The following MCPH1 variants were observed in gnomAD, a reference collection of about 807,000 sequenced individuals.
The protein encoded by MCPH1 is microcephalin 1, also known as microcephalin.
A neutral mutation model predicts 84.5 loss-of-function variants in MCPH1; 104 were observed. The observed-to-expected ratio is 1.23, with a 90% CI of 1.05 to 1.45. The LOEUF is 1.45. Ranked by LOEUF, MCPH1 falls within the 40% of genes most tolerant of loss-of-function variation. The probability of loss-of-function intolerance (pLI) is 0.00; values close to 1 mark genes in which losing one functional copy is unlikely to be tolerated. For missense variants in MCPH1, 1,498 were observed against 1,005.7 expected (o/e 1.49, Z -6.62); for synonymous variants, 514 against 366.8 (o/e 1.40, Z -4.58).
At chr8:6,502,552 T>C (rs1325574955) in intron 12 of MCPH1, 1 of 152,258 alleles carries the variant, frequency 6.6e-6, no homozygotes, top group Non-Finnish European at 1.5e-5. Flanking sequence ...AAAAATGCAC[T>C]AACTGTTTTT....
At chr8:6,586,713 G>A (rs1243107413) in intron 12 of MCPH1, among the ~76,000 whole-genome samples, 2 of 152,220 alleles carry the variant, frequency 1.3e-5, no homozygotes, top group East Asian at 1.9e-4. Context: ...TGAACGCTGA[G>A]CTTCAAGCCA....
At chr8:6,443,972 G>A (rs1400589319) in intron 7 of MCPH1, among the ~76,000 whole-genome samples, 5 of 152,178 alleles carry the variant, frequency 3.3e-5, no homozygotes, top group African/African-American at 1.2e-4. Context: ...GGAAGGTAAG[G>A]GTGAGCTGTG....
At chr8:6,582,929 T>G (rs535188792) in intron 12 of MCPH1, among the ~76,000 whole-genome samples, 7 of 152,298 alleles carry the variant, frequency 4.6e-5, no homozygotes, top group Non-Finnish European at 7.4e-5. Flanking sequence ...TTCCATGAAG[T>G]CTTCTCTGGG....
intron 12 of MCPH1, among the ~76,000 whole-genome samples, chr8:6,574,920 G>A (rs1325293420): frequency 1.3e-5 from 2 of 152,092 alleles, no homozygotes; most frequent in Non-Finnish European, 2.9e-5. Context: ...TTACAGATTC[G>A]AAAAACGGCA....
At position 6,528,763 on chromosome 8, in the gene MCPH1, G is replaced by A. The variant is rs564448839; in HGVS notation, c.2214+28834G>A. 6.6e-5 allele frequency among the ~76,000 whole-genome samples: 10 copies of A among 152,330 alleles called. No homozygotes were observed. In the East Asian group the frequency reaches 7.7e-4, roughly 12 times the overall value. ...CAGTCAGCATTGTTGCCAAGGAACC[G>A]GAGACCTTGAAAGAATCATTGTTTG... On this transcript the variant is annotated intron_variant, in intron 12 of 13. Transcript: ENST00000344683.
chr8:6,552,254 G>A (rs1823772934), intron 12 of MCPH1, among the ~76,000 whole-genome samples: 2 of 152,190 alleles, frequency 1.3e-5, no homozygotes, highest in African/African-American at 2.4e-5. Flanking sequence ...CATTGCTTAC[G>A]ACTCACACTG....
chr8:6,419,559 A>AT (rs34375855), intron 3 of MCPH1, among the ~76,000 whole-genome samples: 1,599 of 138,130 alleles, frequency 0.012, 29 homozygotes, highest in African/African-American at 0.036. Context: ...CACCTGGCTA[A>AT]TTTTTTTTTT....
At chr8:6,534,214 A>T (rs1017607484) in intron 12 of MCPH1, among the ~76,000 whole-genome samples, 1 of 152,210 alleles carries the variant, frequency 6.6e-6, no homozygotes, top group Non-Finnish European at 1.5e-5. Context: ...TTAAAAAAAA[A>T]ATAACAATAC....
chr8:6,542,278 CAT>C (rs1238246275), intron 12 of MCPH1, among the ~76,000 whole-genome samples: 7 of 151,826 alleles, frequency 4.6e-5, no homozygotes, highest in Non-Finnish European at 1.0e-4. Context: ...TTTGTCTACA[CAT>C]GTGAGGTAGG....
At position 6,444,799 on chromosome 8, in the gene MCPH1, A is replaced by G; in HGVS notation, c.1077A>G (p.Val359=). ...GTTCCTCAGTAAAGAGAAAAAGAGT[A>G]TCACATGGCTCCCATTCACCTCCGA... ...PRSSSVKRKR[V]SHGSHSPPKE... is the part of the protein sequence containing the mutation. The change falls in exon 8 of 14, where the codon GTA becomes GTG. Residue 359 remains valine (V), a synonymous_variant. Transcript: ENST00000344683. 1 of 1,614,128 alleles carries G rather than the reference A, an allele frequency of 6.2e-7. No homozygotes were observed. Among genetic ancestry groups the G allele is most frequent in the African/African-American group, 1.3e-5 (1 of 75,056 alleles).
At chr8:6,499,782 G>C in intron 11 of MCPH1, 70 bp from the exon 12 acceptor site, 1 of 1,395,768 alleles carries the variant, frequency 7.2e-7, no homozygotes, top group Non-Finnish European at 1.0e-6. Context: ...TGTCTTCAAA[G>C]TGATTCTTGG....
chr8:6,471,719 C>A (rs778200784), intron 9 of MCPH1, among the ~76,000 whole-genome samples: 79 of 152,154 alleles, frequency 5.2e-4, no homozygotes, highest in Non-Finnish European at 9.0e-4. Flanking sequence ...AATCCTCTTC[C>A]CCTGGTGGGG....
intron 12 of MCPH1, chr8:6,509,188 A>C: frequency 1.6e-6 from 2 of 1,224,546 alleles, no homozygotes; most frequent in South Asian, 3.0e-5. Context: ...GGACTAATGC[A>C]TACTCTGGAC....
intron 11 of MCPH1, among the ~76,000 whole-genome samples, chr8:6,492,878 C>A (rs748201526): frequency 1.3e-5 from 2 of 151,834 alleles, no homozygotes; most frequent in African/African-American, 4.8e-5. Context: ...CTGCATACTG[C>A]GCTTTGCCAT....
intron 12 of MCPH1, among the ~76,000 whole-genome samples, chr8:6,545,686 G>C (rs1198827602): frequency 6.6e-6 from 1 of 152,170 alleles, no homozygotes; most frequent in East Asian, 1.9e-4. Flanking sequence ...GTTCCCATTA[G>C]TCTAAAAATA....
intron 2 of MCPH1, among the ~76,000 whole-genome samples, chr8:6,412,640 T>G (rs1328311659): frequency 2.0e-5 from 3 of 152,166 alleles, no homozygotes; most frequent in African/African-American, 7.2e-5. Flanking sequence ...CCCCCTTGTC[T>G]CTTTGAGGCT....
chr8:6,611,118 TCA>T lies in MCPH1; in HGVS notation c.2215-10326_2215-10325del, dbSNP rs914380537. Among the ~76,000 whole-genome samples, 17 of 139,422 alleles carry T rather than the reference TCA, an allele frequency of 1.2e-4. No homozygotes were observed. The East Asian group carries it at 3.2e-3, about 27-fold the overall frequency. The allele number at this position is 139,422 out of a possible 152,430, so 91.5% of individuals were successfully genotyped here. A position where few individuals can be genotyped will look rare whatever the true frequency, so the allele number is the denominator to read the frequency against. On this transcript the variant is annotated intron_variant, in intron 12 of 13. Transcript: ENST00000344683. ...CACACACACATACACACACACTCTCTCACACACACACTCACACACACACACAC... is the reference window on the plus strand; with the variant it reads ...CACACACACATACACACACACTCTCTCACACACACTCACACACACACACAC...
intron 11 of MCPH1, among the ~76,000 whole-genome samples, chr8:6,484,117 A>G (rs186782364): frequency 3.9e-4 from 59 of 152,352 alleles, no homozygotes; most frequent in Admixed American, 1.9e-3. Context: ...TGTGAAAGAT[A>G]TTATGAAGAG....
intron 9 of MCPH1, among the ~76,000 whole-genome samples, chr8:6,473,320 C>CTTTTTTTTT (rs56077837): frequency 1.3e-5 from 1 of 76,438 alleles, no homozygotes; most frequent in Non-Finnish European, 2.2e-5. Context: ...TCTCTCAATC[C>CTTTTTTTTT]TTTTTTTTTT....
Sources: gnomAD v4.1 joint callset for allele counts (sites outside exome capture counted in the v4.1 genomes callset) on GRCh38, gnomAD v4.1.1 for gene constraint, MANE v1.5 for transcripts, NCBI Gene and HGNC (gene_info 2026-07-23, HGNC 2026-07-21) for gene names.